Variants in RIMS3 observed in about 807,000 individuals in gnomAD.
RIMS3 encodes the protein regulating synaptic membrane exocytosis 3, also known as regulating synaptic membrane exocytosis protein 3.
RIMS3 carries 15 observed loss-of-function variants against 29.2 expected under a neutral mutation model. The observed-to-expected ratio is 0.51, with a 90% CI of 0.34 to 0.79. The LOEUF (loss-of-function observed/expected upper bound fraction) is 0.79, where lower values mean the gene tolerates loss of function less well. Ranked by LOEUF, RIMS3 falls within the 30% of genes least tolerant of loss-of-function variation. RIMS3 has a pLI of 0.01. For synonymous variants in RIMS3, 161 were observed against 170.1 expected, an observed-to-expected ratio of 0.95 and a Z score of 0.41; for missense variants, 342 against 421.4, an observed-to-expected ratio of 0.81 and a Z score of 1.65.
chr1:40,683,617 T>C, the RIMS3 span, among the ~76,000 whole-genome samples: 1 of 104,398 alleles, frequency 9.6e-6, no homozygotes, highest in Non-Finnish European at 2.0e-5. Flanking sequence ...TGGTATTTTG[T>C]TATAGCAGCA....
At chr1:40,680,330 GTTTT>G in the RIMS3 span, among the ~76,000 whole-genome samples, 1 of 127,160 alleles carries the variant, frequency 7.9e-6, no homozygotes, top group Non-Finnish European at 1.6e-5. Context: ...AGAGTAAATA[GTTTT>G]TTTTTTTTTT....
intron 3 of RIMS3, among the ~76,000 whole-genome samples, chr1:40,639,408 A>T (rs1646541860): frequency 6.6e-6 from 1 of 152,214 alleles, no homozygotes; most frequent in Non-Finnish European, 1.5e-5. Context: ...CTAGATGGAG[A>T]GGAACGTGCT....
In RIMS3 at chr1:40,622,461, G is replaced by A. The variant is rs1036398062; in HGVS notation, c.*4056C>T. On this transcript the variant is annotated 3_prime_UTR_variant, in exon 8 of 8. Coordinates refer to ENST00000372684, the MANE Select transcript of RIMS3 (RefSeq NM_014747.3). ...CTCCCTGACTACTCAGTGAAAGACA[G>A]TCCAGTAGAAGAAGCAGCATTTTAA... The A allele has an allele frequency of 3.9e-5, 6 of 152,260 alleles. No individual in the cohort carries two copies. The highest frequency in any genetic ancestry group is 1.4e-4 in the African/African-American group (6 of 41,456). 9.4% of individuals were successfully genotyped at this position (152,260 alleles called of 1,614,324 possible).
rs1356102526 is a variant in RIMS3, at chr1:40,635,059, A to T, written c.359+857T>A. Among the ~76,000 whole-genome samples, 1 of 152,212 alleles carries T rather than the reference A, an allele frequency of 6.6e-6. No homozygotes were observed. The highest frequency in any genetic ancestry group is 1.5e-5 in the Non-Finnish European group (1 of 68,032). Reference sequence around the variant, plus strand: ...CCAGGCATGCTCTGCACCTGGGAAGATGTAATAAATGCTTGAGAGCACTCG... The same window carrying T: ...CCAGGCATGCTCTGCACCTGGGAAGTTGTAATAAATGCTTGAGAGCACTCG... On this transcript the variant is annotated intron_variant, in intron 4 of 7. Transcript: ENST00000372684. This position sits in a 1 kb window ranked among gnomAD's most constrained non-coding sequence, Gnocchi z 4.1.
At chr1:40,691,984 G>A in the RIMS3 span, 1 of 301,898 alleles carries the variant, frequency 3.3e-6, no homozygotes, top group Non-Finnish European at 6.6e-6. Flanking sequence ...CGCTGCTGTA[G>A]CTCGGTCCGT....
intron 2 of RIMS3, among the ~76,000 whole-genome samples, chr1:40,643,479 T>TC (rs67132769): frequency 2.7e-3 from 23 of 8,554 alleles, no homozygotes; most frequent in African/African-American, 5.7e-3. Flanking sequence ...TCTTTCTCTC[T>TC]TTTTTTTTTT....
chr1:40,663,009 T>C (rs1267817297), intron 1 of RIMS3, among the ~76,000 whole-genome samples: 1 of 152,120 alleles, frequency 6.6e-6, no homozygotes, highest in African/African-American at 2.4e-5. Flanking sequence ...AGAGAGCACT[T>C]GTTTCTAACC....
chr1:40,635,959 C>A lies in RIMS3; in HGVS notation c.316G>T (p.Glu106Ter). The change falls in exon 4 of 8, where the codon GAG becomes TAG. Residue 106 changes from glutamate to a stop codon, truncating the protein, a stop_gained. Coordinates refer to ENST00000372684, the MANE Select transcript of RIMS3 (RefSeq NM_014747.3). LOFTEE classifies it high-confidence loss of function. The surrounding 1 kb of genome is among the most constrained non-coding windows in gnomAD (Gnocchi z 4.1). ...CTGTTGGTGCTCCCATCGGTGGACT[C>A]CCGGCTGCCCTGGCGTGTGACCCGG... ...RSRVTRQGSR[E>*]STDGSTNSNS... The A allele has an allele frequency of 6.2e-7, 1 of 1,612,340 alleles. No individual in the cohort carries two copies. Among genetic ancestry groups the A allele is most frequent in the Non-Finnish European group, 8.5e-7 (1 of 1,179,982 alleles).
chr1:40,686,947 T>C, the RIMS3 span, among the ~76,000 whole-genome samples: 4 of 151,978 alleles, frequency 2.6e-5, no homozygotes, highest in African/African-American at 9.7e-5. Context: ...CTGTAAAACC[T>C]TCTACCATTG....
At chr1:40,665,009 G>A (rs1304687201) in intron 1 of RIMS3, among the ~76,000 whole-genome samples, 1 of 152,118 alleles carries the variant, frequency 6.6e-6, no homozygotes, top group African/African-American at 2.4e-5. Flanking sequence ...TCTCAACCAG[G>A]GCACAGGCAG....
In RIMS3 at chr1:40,633,098, C is replaced by T. The variant is rs1211048583; in HGVS notation, c.443G>A (p.Gly148Glu). The change falls in exon 5 of 8, where the codon GGG becomes GAG. Residue 148 changes from glycine to glutamate, a missense_variant. Transcript: ENST00000372684. ...LDGLGPAQIV[G>E]RQTLATPPMG... ...GGGTGGTGTTGCCAGTGTCTGTCGC[C>T]CCACAATCTGAGCTGGTCCCAGCCC... 6.2e-7 allele frequency: 1 copy of T among 1,614,068 alleles called. No homozygotes were observed. The highest frequency in any genetic ancestry group is 8.5e-7 in the Non-Finnish European group (1 of 1,180,012).
At chr1:40,676,856 A>G in the RIMS3 span, among the ~76,000 whole-genome samples, 2 of 152,206 alleles carry the variant, frequency 1.3e-5, no homozygotes, top group Non-Finnish European at 2.9e-5. Flanking sequence ...AAAAAAACTC[A>G]GGCAGGATGG....
At chr1:40,626,868 AT>A in intron 7 of RIMS3, 139 bp from the exon 8 acceptor site, 1 of 744,468 alleles carries the variant, frequency 1.3e-6, no homozygotes, top group Non-Finnish European at 2.4e-6. Context: ...TCACACAATA[AT>A]TTACTGAGCA....
At chr1:40,642,195 G>A (rs1044621280) in intron 2 of RIMS3, among the ~76,000 whole-genome samples, 9 of 152,218 alleles carry the variant, frequency 5.9e-5, no homozygotes, top group Admixed American at 2.0e-4. Context: ...GGAGAGGACC[G>A]AGGCTGTGGA....
At chr1:40,683,156 G>T in the RIMS3 span, among the ~76,000 whole-genome samples, 1 of 152,154 alleles carries the variant, frequency 6.6e-6, no homozygotes, top group Admixed American at 6.5e-5. Context: ...TAACTTCAAA[G>T]CACATGCTGC....
chr1:40,631,165 G>A (rs952394187), intron 5 of RIMS3, among the ~76,000 whole-genome samples: 7 of 152,174 alleles, frequency 4.6e-5, no homozygotes, highest in African/African-American at 1.4e-4. Flanking sequence ...GAGTGGAGGC[G>A]AGGAGGCACC....
At chr1:40,634,935 C>A (rs1646510270) in intron 4 of RIMS3, among the ~76,000 whole-genome samples, 1 of 148,936 alleles carries the variant, frequency 6.7e-6, no homozygotes, top group African/African-American at 2.5e-5. Flanking sequence ...GAGCAAAACT[C>A]CATCACAAAA....
the RIMS3 span, among the ~76,000 whole-genome samples, chr1:40,677,921 T>C: frequency 6.6e-6 from 1 of 152,084 alleles, no homozygotes; most frequent in African/African-American, 2.4e-5. Flanking sequence ...TGTCCCACAG[T>C]GGCTTGCGAA....
At chr1:40,646,794 T>C (rs1646598831) in intron 2 of RIMS3, among the ~76,000 whole-genome samples, 1 of 151,994 alleles carries the variant, frequency 6.6e-6, no homozygotes, top group Non-Finnish European at 1.5e-5. Flanking sequence ...CCAAACTCTC[T>C]CCTGAATCCT....
Sources: gnomAD v4.1 joint callset for allele counts (sites outside exome capture counted in the v4.1 genomes callset) on GRCh38, gnomAD v4.1.1 for gene constraint, Gnocchi (gnomAD v3.1) non-coding constraint, MANE v1.5 for transcripts, NCBI Gene and HGNC (gene_info 2026-07-23, HGNC 2026-07-21) for gene names.